LRRN1: variants seen among roughly 807,000 people sequenced by gnomAD.
The protein encoded by LRRN1 is leucine-rich repeat neuronal protein 1.
LRRN1 carries 14 observed loss-of-function variants against 45.8 expected under a neutral mutation model. The ratio of observed to expected loss-of-function variants is 0.31; its 90% CI spans 0.20 to 0.48. The LOEUF (loss-of-function observed/expected upper bound fraction) is 0.48, where lower values mean the gene tolerates loss of function less well. LRRN1 is among the 20% of genes least tolerant of loss of function. LRRN1 has a pLI of 0.99. For synonymous variants in LRRN1, 359 were observed against 330.1 expected (o/e 1.09, Z -0.95); for missense variants, 789 against 874.2 (o/e 0.90, Z 1.23).
At position 3,845,941 on chromosome 3, in the gene LRRN1, C is replaced by T. The variant is rs1300200167; in HGVS notation, c.1300C>T (p.Arg434Cys). ...PMISHDSFPN[R>C]LNVDIGTTVF... ...GATATCTCACGACAGCTTCCCAAAT[C>T]GTTTAAACGTGGATATCGGCACGAC... Residue 434 changes from arginine to cysteine, a missense_variant, in exon 2 of 2, where the codon CGT becomes TGT. By Grantham distance (180) the Arg-to-Cys change is radical. Coordinates refer to ENST00000319331, the MANE Select transcript of LRRN1 (RefSeq NM_020873.7). This position sits in a 1 kb window ranked among gnomAD's most constrained non-coding sequence, Gnocchi z 6.5. 1.3e-5 allele frequency: 21 copies of T among 1,614,096 alleles called. No individual in the cohort carries two copies. Among genetic ancestry groups the T allele is most frequent in the East Asian group, 2.2e-5 (1 of 44,870 alleles).
At chr3:3,808,261 T>C (rs1692807375) in intron 1 of LRRN1, among the ~76,000 whole-genome samples, 2 of 152,302 alleles carry the variant, frequency 1.3e-5, no homozygotes, top group Non-Finnish European at 2.9e-5. Context: ...AGAATAATGA[T>C]ACTCTACACT....
chr3:3,810,981 C>A (rs1046075343), intron 1 of LRRN1, among the ~76,000 whole-genome samples: 1 of 152,198 alleles, frequency 6.6e-6, no homozygotes, highest in Non-Finnish European at 1.5e-5. Flanking sequence ...ATCAGTGCTT[C>A]CCAATTGCTG....
At chr3:3,800,759 C>T (rs1285099516) in intron 1 of LRRN1, 5 of 152,728 alleles carry the variant, frequency 3.3e-5, no homozygotes, top group South Asian at 4.1e-4. Flanking sequence ...GAGCCTTGAG[C>T]CCAGAAGGAG....
intron 1 of LRRN1, chr3:3,827,429 A>C (rs1693247055): frequency 2.2e-6 from 1 of 456,572 alleles, no homozygotes; most frequent in Non-Finnish European, 4.4e-6. Flanking sequence ...GTCAGTCCAC[A>C]CAGTGGAGTC....
At chr3:3,837,607 A>C (rs1693550960) in intron 1 of LRRN1, among the ~76,000 whole-genome samples, 1 of 152,094 alleles carries the variant, frequency 6.6e-6, no homozygotes, top group Non-Finnish European at 1.5e-5. Flanking sequence ...GGAAGGCTAA[A>C]TTGTTTGCTT....
chr3:3,844,207 C>A (rs1261378345), intron 1 of LRRN1, among the ~76,000 whole-genome samples, 157 bp from the exon 2 acceptor site: 2 of 152,026 alleles, frequency 1.3e-5, no homozygotes, highest in African/African-American at 4.8e-5. Flanking sequence ...TAAGAATGTC[C>A]TACAATTTAA....
At position 3,846,877 on chromosome 3, in the gene LRRN1, T is replaced by G; in HGVS notation, c.*85T>G. Reference sequence around the variant, plus strand: ...CAAAAGTGAACAAGTTGAAGACTTTTGTATTTTTGACTTTGCTAGTTTGTG... The same window carrying G: ...CAAAAGTGAACAAGTTGAAGACTTTGGTATTTTTGACTTTGCTAGTTTGTG... On this transcript the variant is annotated 3_prime_UTR_variant, in exon 2 of 2. Transcript: ENST00000319331. This position sits in a 1 kb window ranked among gnomAD's most constrained non-coding sequence, Gnocchi z 5.7. The G allele has an allele frequency of 5.0e-6, 6 of 1,192,950 alleles. No homozygotes were observed. Among genetic ancestry groups the G allele is most frequent in the Non-Finnish European group, 5.8e-6 (5 of 859,432 alleles). The allele number at this position is 1,192,950 out of a possible 1,614,324, so 73.9% of individuals were successfully genotyped here.
chr3:3,837,331 T>TCCCCCC (rs1559305402), intron 1 of LRRN1, among the ~76,000 whole-genome samples: 1 of 45,310 alleles, frequency 2.2e-5, no homozygotes, highest in African/African-American at 5.5e-5. Flanking sequence ...TTATTACTCC[T>TCCCCCC]TCCCCCCCCC....
Position 3,845,037 on chromosome 3 carries a change from C to A in LRRN1, c.396C>A (p.Thr132=), listed in dbSNP as rs3749350. ...TTLHLEENQI[T]EMTDYCLQDL... is the part of the protein sequence containing the mutation. ...TGCATTTGGAGGAAAATCAGATTAC[C>A]GAGATGACTGATTACTGTCTACAAG... The change falls in exon 2 of 2, where the codon ACC becomes ACA. Residue 132 remains threonine, a synonymous_variant. Transcript: ENST00000319331. This position sits in a 1 kb window ranked among gnomAD's most constrained non-coding sequence, Gnocchi z 6.5. 0.16 allele frequency: 251,077 copies of A among 1,613,828 alleles called. 24,228 individuals carry two copies. Among genetic ancestry groups the A allele is most frequent in the East Asian group, 0.41 (18,511 of 44,836 alleles).
intron 1 of LRRN1, among the ~76,000 whole-genome samples, chr3:3,822,414 T>A (rs1460847301): frequency 6.6e-6 from 1 of 152,222 alleles, no homozygotes; most frequent in African/African-American, 2.4e-5. Flanking sequence ...AGCAGTTTAA[T>A]TCCTGTAGCT....
chr3:3,845,146 C>T lies in LRRN1; in HGVS notation c.505C>T (p.Leu169=). Residue 169 remains leucine (L), a synonymous_variant, in exon 2 of 2, where the codon CTA becomes TTA. Transcript: ENST00000319331. The surrounding 1 kb of genome is among the most constrained non-coding windows in gnomAD (Gnocchi z 6.5). Reference sequence around the variant, plus strand: ...TCATGCTTTTGCAGGCTTAAAAAATCTATTAAGGCTCCACCTGAACTCCAA... The same window carrying T: ...TCATGCTTTTGCAGGCTTAAAAAATTTATTAAGGCTCCACCTGAACTCCAA... The part of the protein sequence containing the change: ...SAHAFAGLKN[L]LRLHLNSNKL... 1.2e-6 allele frequency: 2 copies of T among 1,614,172 alleles called. No individual in the cohort carries two copies. The highest frequency in any genetic ancestry group is 1.7e-6 in the Non-Finnish European group (2 of 1,180,030).
At chr3:3,840,725 T>A (rs563934386) in intron 1 of LRRN1, among the ~76,000 whole-genome samples, 119 of 152,370 alleles carry the variant, frequency 7.8e-4, no homozygotes, top group African/African-American at 2.8e-3. Context: ...TCCTCTGTGC[T>A]TGATCTGATT....
In LRRN1 at chr3:3,849,326, GA is replaced by G. The variant is rs1693847405; in HGVS notation, c.*2539del. 1.3e-5 allele frequency among the ~76,000 whole-genome samples: 2 copies of G among 152,146 alleles called. No homozygotes were observed. The highest frequency in any genetic ancestry group is 6.5e-5 in the Admixed American group (1 of 15,280). On this transcript the variant is annotated 3_prime_UTR_variant, in exon 2 of 2. Coordinates refer to ENST00000319331, the MANE Select transcript of LRRN1 (RefSeq NM_020873.7). ...ATCTTCTGCCAGCCCAGTTTGGGGG[GA>G]AAAACCCCTTTTACATTTTTCTTCA... is the stretch of plus-strand genomic sequence containing the variant.
At chr3:3,801,518 T>C (rs1004883104) in intron 1 of LRRN1, among the ~76,000 whole-genome samples, 2 of 152,164 alleles carry the variant, frequency 1.3e-5, no homozygotes, top group Non-Finnish European at 2.9e-5. Flanking sequence ...TCCAGGGCCA[T>C]ATGTGTCCCG....
intron 1 of LRRN1, among the ~76,000 whole-genome samples, chr3:3,805,569 T>C (rs921237361): frequency 3.9e-5 from 6 of 152,166 alleles, no homozygotes; most frequent in African/African-American, 1.4e-4. Flanking sequence ...GATTTCAATA[T>C]CACCAGTGCG....
intron 1 of LRRN1, among the ~76,000 whole-genome samples, chr3:3,812,035 A>G (rs1331362797): frequency 6.6e-6 from 1 of 152,196 alleles, no homozygotes; most frequent in African/African-American, 2.4e-5. Context: ...GGCTGCTATG[A>G]GAATGTATGG....
Position 3,849,614 on chromosome 3 carries a change from A to G in LRRN1, c.*2822A>G, listed in dbSNP as rs1398403096. 6.6e-6 allele frequency among the ~76,000 whole-genome samples: 1 copy of G among 152,146 alleles called. No homozygotes were observed. The highest frequency in any genetic ancestry group is 2.4e-5 in the African/African-American group (1 of 41,440). ...TTCCCTTTTGCTTTCTGCTGCCTTC[A>G]GGGTATATAGTGTATCTCTAACCTG... On this transcript the variant is annotated 3_prime_UTR_variant, in exon 2 of 2. Transcript: ENST00000319331.
At chr3:3,818,678 G>A (rs865811412) in intron 1 of LRRN1, among the ~76,000 whole-genome samples, 1 of 152,236 alleles carries the variant, frequency 6.6e-6, no homozygotes, top group Middle Eastern at 3.4e-3. Context: ...AACATGGGAG[G>A]AAAATGATTT....
At chr3:3,804,588 T>C (rs1302600971) in intron 1 of LRRN1, among the ~76,000 whole-genome samples, 1 of 152,222 alleles carries the variant, frequency 6.6e-6, no homozygotes, top group Non-Finnish European at 1.5e-5. Context: ...CTTCCATTTA[T>C]ACTCTTTATT....
Sources: gnomAD v4.1 joint callset for allele counts (sites outside exome capture counted in the v4.1 genomes callset) on GRCh38, gnomAD v4.1.1 for gene constraint, Gnocchi (gnomAD v3.1) non-coding constraint, MANE v1.5 for transcripts, NCBI Gene and HGNC (gene_info 2026-07-23, HGNC 2026-07-21) for gene names.